The following SPOCK1 variants were observed in gnomAD, a reference collection of about 807,000 sequenced individuals.
SPOCK1 encodes SPARC (osteonectin), cwcv and kazal like domains proteoglycan 1.
In SPOCK1, 23 loss-of-function variants were observed where a neutral mutation model predicts 55.3. That is an observed-to-expected ratio of 0.42 (90% confidence interval 0.30 to 0.59). The LOEUF (loss-of-function observed/expected upper bound fraction) is 0.59. SPOCK1 is among the 20% of genes least tolerant of loss of function. The pLI, the probability that SPOCK1 is intolerant of heterozygous loss-of-function variation, is 0.22. For synonymous variants in SPOCK1, 226 were observed against 221.0 expected (o/e 1.02, Z -0.20); for missense variants, 499 against 552.5 (o/e 0.90, Z 0.97).
At chr5:137,060,013 G>T (rs949359082) in intron 6 of SPOCK1, among the ~76,000 whole-genome samples, 2 of 152,152 alleles carry the variant, frequency 1.3e-5, no homozygotes, top group Non-Finnish European at 2.9e-5. Context: ...CTGTAAATTA[G>T]TTCAGCCACT....
intron 3 of SPOCK1, among the ~76,000 whole-genome samples, chr5:137,206,807 T>C (rs562575160): frequency 2.8e-4 from 42 of 152,264 alleles, no homozygotes; most frequent in Non-Finnish European, 5.1e-4. Flanking sequence ...GTATTTGGGC[T>C]GTTTGATTTA....
At chr5:137,207,526 C>T (rs1755540687) in intron 3 of SPOCK1, among the ~76,000 whole-genome samples, 1 of 152,180 alleles carries the variant, frequency 6.6e-6, no homozygotes, top group South Asian at 2.1e-4. Context: ...CTGCAGGTAA[C>T]AATAGGTCCC....
chr5:137,170,022 A>T (rs114980911), intron 3 of SPOCK1, among the ~76,000 whole-genome samples: 278 of 152,334 alleles, frequency 1.8e-3, no homozygotes, highest in African/African-American at 6.4e-3. Flanking sequence ...TCACAGAGTA[A>T]TGTTGTCCTT....
At chr5:137,175,076 A>G (rs1305941600) in intron 3 of SPOCK1, among the ~76,000 whole-genome samples, 2 of 152,222 alleles carry the variant, frequency 1.3e-5, no homozygotes, top group Non-Finnish European at 2.9e-5. Flanking sequence ...AGGAGTTCAC[A>G]CAACTATAAA....
chr5:137,481,844 C>T (rs1258732385), intron 2 of SPOCK1, among the ~76,000 whole-genome samples: 1 of 152,108 alleles, frequency 6.6e-6, no homozygotes, highest in Non-Finnish European at 1.5e-5. Context: ...CTAAAGTATG[C>T]CAAAGAGCTC....
chr5:137,453,147 A>G (rs1008369979), intron 2 of SPOCK1, among the ~76,000 whole-genome samples: 3 of 152,316 alleles, frequency 2.0e-5, no homozygotes, highest in African/African-American at 7.2e-5. Context: ...CTTAGAAAAA[A>G]TAAGGCACGC....
intron 3 of SPOCK1, among the ~76,000 whole-genome samples, chr5:137,193,103 A>T (rs1019454837): frequency 6.6e-6 from 1 of 152,174 alleles, no homozygotes; most frequent in East Asian, 1.9e-4. Flanking sequence ...TATCACCCTG[A>T]TGTTTGTGTG....
intron 2 of SPOCK1, among the ~76,000 whole-genome samples, chr5:137,445,656 T>G (rs1340778369): frequency 6.6e-6 from 1 of 152,220 alleles, no homozygotes; most frequent in African/African-American, 2.4e-5. Context: ...TTCAAAATGA[T>G]TTAATCCAGC....
chr5:137,276,589 A>G (rs1757072378), intron 2 of SPOCK1, among the ~76,000 whole-genome samples: 1 of 152,236 alleles, frequency 6.6e-6, no homozygotes, highest in African/African-American at 2.4e-5. Flanking sequence ...TAAGATAACA[A>G]TCCAACCTCG....
At chr5:137,040,348 C>G (rs948279667) in intron 6 of SPOCK1, among the ~76,000 whole-genome samples, 2 of 152,220 alleles carry the variant, frequency 1.3e-5, no homozygotes, top group Non-Finnish European at 2.9e-5. Flanking sequence ...TATGTCTTTT[C>G]GCCCAAGCAC....
intron 2 of SPOCK1, among the ~76,000 whole-genome samples, chr5:137,277,406 G>A (rs141818579): frequency 5.8e-4 from 89 of 152,322 alleles, no homozygotes; most frequent in African/African-American, 2.0e-3. Context: ...CTAGTGAGAA[G>A]CAGAACCAGG....
At chr5:137,246,476 C>T (rs913645830) in intron 3 of SPOCK1, among the ~76,000 whole-genome samples, 13 of 152,242 alleles carry the variant, frequency 8.5e-5, no homozygotes, top group African/African-American at 2.4e-4. Context: ...TTTTCTCCCA[C>T]TCCCACTTAT....
intron 2 of SPOCK1, among the ~76,000 whole-genome samples, chr5:137,332,389 C>T (rs149853914): frequency 2.4e-4 from 36 of 152,340 alleles, no homozygotes; most frequent in Non-Finnish European, 1.9e-4. Flanking sequence ...TCTTCTCCCA[C>T]CCCGAGAACT....
intron 5 of SPOCK1, among the ~76,000 whole-genome samples, chr5:137,077,126 G>A (rs574155757): frequency 6.8e-4 from 104 of 152,206 alleles, no homozygotes; most frequent in East Asian, 2.7e-3. Context: ...GGGTTTCACC[G>A]TGTTAGCCAG....
intron 3 of SPOCK1, among the ~76,000 whole-genome samples, chr5:137,200,340 T>C (rs1390074099): frequency 1.3e-5 from 2 of 152,182 alleles, no homozygotes; most frequent in East Asian, 3.9e-4. Context: ...CCTGGCCCCA[T>C]CTGAAATATC....
At chr5:137,355,193 A>C (rs1157606839) in intron 2 of SPOCK1, among the ~76,000 whole-genome samples, 1 of 150,726 alleles carries the variant, frequency 6.6e-6, no homozygotes, top group African/African-American at 2.4e-5. Context: ...AAGCCACTGT[A>C]TCTGGCCTGT....
intron 3 of SPOCK1, among the ~76,000 whole-genome samples, chr5:137,170,580 C>T (rs1754737338): frequency 7.6e-6 from 1 of 132,444 alleles, no homozygotes; most frequent in East Asian, 2.4e-4. Flanking sequence ...ACGAATGAGC[C>T]TGTTATTTCT....
At chr5:137,006,202 C>T (rs562720426) in intron 6 of SPOCK1, among the ~76,000 whole-genome samples, 1 of 152,176 alleles carries the variant, frequency 6.6e-6, no homozygotes, top group Non-Finnish European at 1.5e-5. Flanking sequence ...TTTTTTGGTA[C>T]CATATGAAAT....
chr5:137,246,531 A>G (rs1312866305), intron 3 of SPOCK1, among the ~76,000 whole-genome samples: 1 of 152,178 alleles, frequency 6.6e-6, no homozygotes, highest in Non-Finnish European at 1.5e-5. Context: ...TCAACTTTCC[A>G]TCAAGGCTTC....
Sources: gnomAD v4.1 joint callset for allele counts (sites outside exome capture counted in the v4.1 genomes callset) on GRCh38, gnomAD v4.1.1 for gene constraint, MANE v1.5 for transcripts, NCBI Gene and HGNC (gene_info 2026-07-23, HGNC 2026-07-21) for gene names.